The following DOCK4 variants were observed in gnomAD, a reference collection of about 807,000 sequenced individuals.
DOCK4 encodes the protein dedicator of cytokinesis protein 4.
In DOCK4, 97 loss-of-function variants were observed where a neutral mutation model predicts 268.1. The observed-to-expected ratio is 0.36, with a 90% CI of 0.31 to 0.43. The LOEUF is 0.43. Among genes scored for constraint, DOCK4 ranks in the 20% least tolerant of loss-of-function variants. The pLI, the probability that DOCK4 is intolerant of heterozygous loss-of-function variation, is 1.00. For synonymous variants in DOCK4, 954 were observed against 887.2 expected (o/e 1.08, Z -1.34); for missense variants, 2,145 against 2,455.7 (o/e 0.87, Z 2.67).
At chr7:111,860,259 G>A (rs181336260) in intron 23 of DOCK4, among the ~76,000 whole-genome samples, 71 of 152,276 alleles carry the variant, frequency 4.7e-4, no homozygotes, top group African/African-American at 1.6e-3. Flanking sequence ...CACTTTCCAC[G>A]TTTCCCTAGC....
intron 1 of DOCK4, among the ~76,000 whole-genome samples, chr7:112,205,527 G>A (rs956639347): frequency 2.0e-5 from 3 of 152,126 alleles, no homozygotes; most frequent in Non-Finnish European, 2.9e-5. Flanking sequence ...AGAGAGGGAG[G>A]AGGGTCAGAG....
chr7:111,761,396 C>T lies in DOCK4; in HGVS notation c.4021-1074G>A, dbSNP rs117216459. On this transcript the variant is annotated intron_variant, in intron 39 of 52. Coordinates refer to ENST00000428084, the MANE Select transcript of DOCK4 (RefSeq NM_001363540.2). ...TCTTGAAATACTTTGTCCACGTGTA[C>T]TAGATTGAAATTCTGGTCTGAGTCC... is the stretch of plus-strand genomic sequence containing the variant. 3.7e-4 allele frequency among the ~76,000 whole-genome samples: 56 copies of T among 152,186 alleles called. 1 individual carries two copies. The East Asian group carries it at 0.011, about 29-fold the overall frequency.
chr7:112,097,583 G>A (rs1810272593), intron 1 of DOCK4, among the ~76,000 whole-genome samples: 2 of 152,130 alleles, frequency 1.3e-5, no homozygotes, highest in Admixed American at 1.3e-4. Flanking sequence ...GTTGTTCCAT[G>A]GGCCTCTGAT....
chr7:111,906,121 T>C (rs985830212), intron 13 of DOCK4, among the ~76,000 whole-genome samples: 7 of 152,134 alleles, frequency 4.6e-5, no homozygotes, highest in Non-Finnish European at 7.3e-5. Flanking sequence ...GCAGTAAGAA[T>C]GGCCATCAAA....
intron 1 of DOCK4, among the ~76,000 whole-genome samples, chr7:112,074,195 A>G (rs1807856257): frequency 6.6e-6 from 1 of 152,212 alleles, no homozygotes; most frequent in Admixed American, 6.5e-5. Context: ...GTTAAATATC[A>G]TGTATTATAA....
chr7:111,925,109 A>C (rs566429385), intron 12 of DOCK4, among the ~76,000 whole-genome samples: 1 of 152,336 alleles, frequency 6.6e-6, no homozygotes, highest in Admixed American at 6.5e-5. Flanking sequence ...ATCTTATCAG[A>C]GCACAAATTT....
chr7:112,149,140 G>A (rs558083176), intron 1 of DOCK4, among the ~76,000 whole-genome samples: 1 of 152,254 alleles, frequency 6.6e-6, no homozygotes, highest in African/African-American at 2.4e-5. Context: ...AATTTTTCAA[G>A]AGAGACTTAT....
intron 12 of DOCK4, among the ~76,000 whole-genome samples, chr7:111,933,269 TACATATATACATATATATATATATATATA>T (rs1794397999): frequency 7.5e-6 from 1 of 132,660 alleles, no homozygotes; most frequent in Non-Finnish European, 1.6e-5. Context: ...TATATATATA[TACATATATACATATATATATATATATATA>T]TTTTTTTTTT....
rs2133689687 is a variant in DOCK4 at position 111,771,941 on chromosome 7, T to G, written c.3680-2264A>C. On this transcript the variant is annotated intron_variant, in intron 36 of 52. Transcript: ENST00000428084. ...TTTTGTGTCTCTGTCAGCATGTGAC[T>G]ACTCAGAAAATACCCCAGAGACTAA... Among the ~76,000 whole-genome samples, 2 of 152,322 alleles carry G rather than the reference T, an allele frequency of 1.3e-5. 1 individual carries two copies. The highest frequency in any genetic ancestry group is 4.1e-4 in the South Asian group (2 of 4,832).
rs1481578625 is a variant in DOCK4 at position 111,801,924 on chromosome 7, A to G, written c.3166+6897T>C. ...CACCATGTTAGCCAGGATAGTCTTAACCTCCTGACCTCATTAACTGCCTGC... is the reference window on the plus strand; with the variant it reads ...CACCATGTTAGCCAGGATAGTCTTAGCCTCCTGACCTCATTAACTGCCTGC... On this transcript the variant is annotated intron_variant, in intron 30 of 52. Coordinates refer to ENST00000428084, the MANE Select transcript of DOCK4 (RefSeq NM_001363540.2). Among the ~76,000 whole-genome samples, 5 of 149,522 alleles carry G rather than the reference A, an allele frequency of 3.3e-5. No individual in the cohort carries two copies. The East Asian group carries it at 7.9e-4, about 24-fold the overall frequency.
chr7:111,890,092 G>A (rs1254436060), intron 16 of DOCK4, among the ~76,000 whole-genome samples: 1 of 152,086 alleles, frequency 6.6e-6, no homozygotes, highest in South Asian at 2.1e-4. Context: ...GAATGAATGG[G>A]GACTTGAGCA....
At chr7:112,092,948 C>T (rs1399164485) in intron 1 of DOCK4, among the ~76,000 whole-genome samples, 1 of 152,054 alleles carries the variant, frequency 6.6e-6, no homozygotes, top group Non-Finnish European at 1.5e-5. Flanking sequence ...GAAATCTTTA[C>T]CTGCCTAGTA....
rs560830202 is a variant in DOCK4 at position 112,126,673 on chromosome 7, A to G, written c.37+79429T>C. ...CAACCTACTCATCTGACAAAGGGCT[A>G]ATATCCAGAATCTACAATGAACTCA... On this transcript the variant is annotated intron_variant, in intron 1 of 52. Coordinates refer to ENST00000428084, the MANE Select transcript of DOCK4 (RefSeq NM_001363540.2). Among the ~76,000 whole-genome samples, 14 of 152,314 alleles carry G rather than the reference A, an allele frequency of 9.2e-5. No homozygotes were observed. The East Asian group carries it at 2.7e-3, about 29-fold the overall frequency.
At chr7:112,018,529 TA>T (rs1259606707) in intron 1 of DOCK4, among the ~76,000 whole-genome samples, 1 of 152,220 alleles carries the variant, frequency 6.6e-6, no homozygotes, top group Non-Finnish European at 1.5e-5. Context: ...TCCAATTTTA[TA>T]AGCTAATGAA....
intron 30 of DOCK4, chr7:111,808,250 C>T (rs1800822629): frequency 6.6e-6 from 1 of 152,194 alleles, no homozygotes; most frequent in South Asian, 2.1e-4. Context: ...TTACTGTTTT[C>T]TATGCAACCA....
intron 1 of DOCK4, among the ~76,000 whole-genome samples, chr7:112,188,891 G>C (rs954580628): frequency 6.6e-6 from 1 of 152,118 alleles, no homozygotes; most frequent in African/African-American, 2.4e-5. Context: ...TATTTTCTCA[G>C]TATCAAGTCA....
At chr7:112,003,577 C>A (rs1800615752) in intron 2 of DOCK4, among the ~76,000 whole-genome samples, 2 of 152,094 alleles carry the variant, frequency 1.3e-5, no homozygotes, top group African/African-American at 2.4e-5. Context: ...TAATATTATT[C>A]AAGTGCATTG....
At chr7:111,997,573 A>T (rs1800072606) in intron 4 of DOCK4, among the ~76,000 whole-genome samples, 1 of 152,224 alleles carries the variant, frequency 6.6e-6, no homozygotes, top group South Asian at 2.1e-4. Context: ...GCCTCGTTGG[A>T]ACTTTTATCT....
intron 1 of DOCK4, among the ~76,000 whole-genome samples, chr7:112,140,402 G>C (rs1221704925): frequency 6.6e-6 from 1 of 152,088 alleles, no homozygotes; most frequent in Non-Finnish European, 1.5e-5. Flanking sequence ...ACAAAAACAT[G>C]CTTTCTGAGA....
Sources: gnomAD v4.1 joint callset for allele counts (sites outside exome capture counted in the v4.1 genomes callset) on GRCh38, gnomAD v4.1.1 for gene constraint, MANE v1.5 for transcripts, NCBI Gene and HGNC (gene_info 2026-07-23, HGNC 2026-07-21) for gene names.